PCDH11X: variants seen among roughly 807,000 people sequenced by gnomAD.
PCDH11X encodes the protein protocadherin 11 X-linked.
PCDH11X carries 18 observed loss-of-function variants against 53.3 expected under a neutral mutation model. The observed-to-expected ratio is 0.34, with a 90% CI of 0.23 to 0.50. The LOEUF is 0.50. Ranked by LOEUF, PCDH11X falls within the 20% of genes least tolerant of loss-of-function variation. The pLI is 0.98. For missense variants in PCDH11X, 570 were observed against 1,032.4 expected (o/e 0.55, Z 6.14); for synonymous variants, 279 against 393.3 (o/e 0.71, Z 3.44).
chrX:92,353,457 A>T (rs1336454071), intron 8 of PCDH11X, among the ~76,000 whole-genome samples: 2 of 110,314 alleles, frequency 1.8e-5, no homozygotes, highest in Non-Finnish European at 3.8e-5. Flanking sequence ...AATTTACAAG[A>T]CTCGCTTCTT....
Position 91,878,320 on chromosome X carries a change from G to A in PCDH11X, c.2080G>A (p.Val694Met). The A allele has an allele frequency of 8.3e-7, 1 of 1,210,649 alleles. No homozygotes were observed. The highest frequency in any genetic ancestry group is 1.1e-6 in the Non-Finnish European group (1 of 895,244). Reference protein sequence around the residue: ...LVLPSTNPGTVVFQVIAVDND... With the variant: ...LVLPSTNPGTMVFQVIAVDND... ...TCTACCGTCCACTAATCCAGGCACA[G>A]TGGTCTTTCAGGTAATTGCTGTTGA... is the stretch of plus-strand genomic sequence containing the variant. Residue 694 changes from valine (V) to methionine (M), a missense_variant, in exon 6 of 11, where the codon GTG (valine) becomes ATG (methionine). Val to Met is a conservative substitution (Grantham distance 21). Coordinates refer to ENST00000682573, the MANE Select transcript of PCDH11X (RefSeq NM_032968.5).
At chrX:92,061,755 A>G (rs1256911046) in intron 6 of PCDH11X, among the ~76,000 whole-genome samples, 1 of 109,473 alleles carries the variant, frequency 9.1e-6, no homozygotes, top group African/African-American at 3.3e-5. Flanking sequence ...TGTTCTTTTT[A>G]CTTAGGATTG....
intron 10 of PCDH11X, among the ~76,000 whole-genome samples, chrX:92,512,558 G>T (rs1330686386): frequency 9.0e-6 from 1 of 111,431 alleles, no homozygotes; most frequent in African/African-American, 3.3e-5. Context: ...TTACTAGAAG[G>T]ATACTTAAAT....
intron 6 of PCDH11X, among the ~76,000 whole-genome samples, chrX:92,103,632 T>C (rs1281402952): frequency 8.9e-6 from 1 of 111,872 alleles, no homozygotes; most frequent in Non-Finnish European, 1.9e-5. Flanking sequence ...AGATGGGACG[T>C]GGCTTAGGAG....
chrX:92,519,356 T>C (rs2074328938), intron 10 of PCDH11X, among the ~76,000 whole-genome samples: 1 of 108,793 alleles, frequency 9.2e-6, no homozygotes, highest in African/African-American at 3.3e-5. Flanking sequence ...CAAAACATGA[T>C]ACAAAATTGA....
chrX:91,916,895 T>C (rs1941582707), intron 6 of PCDH11X, among the ~76,000 whole-genome samples: 1 of 110,297 alleles, frequency 9.1e-6, no homozygotes, highest in Admixed American at 9.6e-5. Flanking sequence ...CTGATGAACA[T>C]AGATGCAAAA....
intron 10 of PCDH11X, among the ~76,000 whole-genome samples, chrX:92,583,223 C>T (rs1287495848): frequency 9.5e-6 from 1 of 105,487 alleles, no homozygotes; most frequent in Non-Finnish European, 1.9e-5. Flanking sequence ...CCTCAGCCTC[C>T]TGAGTAGCTG....
intron 6 of PCDH11X, among the ~76,000 whole-genome samples, chrX:92,084,538 CAAA>C (rs574981485): frequency 9.7e-5 from 6 of 61,937 alleles, no homozygotes; most frequent in Non-Finnish European, 1.7e-4. Flanking sequence ...AACACAGTCT[CAAA>C]AAAAAAAAAA....
At chrX:92,440,381 C>T (rs780185072) in intron 9 of PCDH11X, among the ~76,000 whole-genome samples, 3 of 109,689 alleles carry the variant, frequency 2.7e-5, no homozygotes, top group Admixed American at 2.0e-4. Flanking sequence ...CAATGTTTAG[C>T]TCTCACTTAT....
chrX:92,053,762 C>A (rs1233530385), intron 6 of PCDH11X, among the ~76,000 whole-genome samples: 2 of 109,348 alleles, frequency 1.8e-5, no homozygotes, highest in African/African-American at 6.7e-5. Flanking sequence ...GTAGAGACGG[C>A]GTTTCACCAT....
chrX:92,467,569 A>G (rs377537227), intron 9 of PCDH11X, among the ~76,000 whole-genome samples: 1 of 111,215 alleles, frequency 9.0e-6, no homozygotes, highest in South Asian at 3.7e-4. Context: ...ACATACAATT[A>G]TTTTGTTTAA....
intron 6 of PCDH11X, among the ~76,000 whole-genome samples, chrX:92,086,268 AAAAAT>A (rs1191940996): frequency 9.0e-6 from 1 of 111,499 alleles, no homozygotes; most frequent in Non-Finnish European, 1.9e-5. Flanking sequence ...AAATAATAGT[AAAAAT>A]AAAATAAAAA....
At chrX:92,201,811 A>G (rs2066396459) in intron 7 of PCDH11X, among the ~76,000 whole-genome samples, 1 of 112,175 alleles carries the variant, frequency 8.9e-6, no homozygotes, top group Non-Finnish European at 1.9e-5. Context: ...AGCATAATAT[A>G]GCATAATTTG....
intron 10 of PCDH11X, among the ~76,000 whole-genome samples, chrX:92,541,850 G>A (rs1159577970): frequency 1.8e-5 from 2 of 110,846 alleles, no homozygotes; most frequent in Non-Finnish European, 3.8e-5. Flanking sequence ...TTGGGAGGCT[G>A]AGGCAGGAGA....
chrX:92,170,106 A>T (rs2065798342), intron 6 of PCDH11X, among the ~76,000 whole-genome samples: 1 of 110,586 alleles, frequency 9.0e-6, no homozygotes, highest in Non-Finnish European at 1.9e-5. Context: ...AAATAAAAAT[A>T]CTTCTCTCTA....
At chrX:92,518,713 C>G (rs943836987) in intron 10 of PCDH11X, among the ~76,000 whole-genome samples, 1 of 106,464 alleles carries the variant, frequency 9.4e-6, no homozygotes, top group Non-Finnish European at 1.9e-5. Flanking sequence ...CAAATTAAAT[C>G]TTGCAGGGAA....
At chrX:92,477,560 G>A (rs116798097) in intron 10 of PCDH11X, among the ~76,000 whole-genome samples, 6 of 14,696 alleles carry the variant, frequency 4.1e-4, no homozygotes, top group Admixed American at 1.9e-3. Context: ...TGTCCTAGAT[G>A]TTGGACATCT....
intron 6 of PCDH11X, among the ~76,000 whole-genome samples, chrX:91,974,073 A>T (rs1788644849): frequency 9.0e-6 from 1 of 111,641 alleles, no homozygotes; most frequent in Non-Finnish European, 1.9e-5. Context: ...TCTGGAAAAA[A>T]ATTTTTTTTA....
intron 6 of PCDH11X, among the ~76,000 whole-genome samples, chrX:92,185,817 C>A (rs2066082293): frequency 9.3e-6 from 1 of 107,875 alleles, no homozygotes; most frequent in Non-Finnish European, 1.9e-5. Flanking sequence ...AAATAGAATA[C>A]CTATTAAAAA....
Sources: gnomAD v4.1 joint callset for allele counts (sites outside exome capture counted in the v4.1 genomes callset) on GRCh38, gnomAD v4.1.1 for gene constraint, MANE v1.5 for transcripts, NCBI Gene and HGNC (gene_info 2026-07-23, HGNC 2026-07-21) for gene names.